HOTAIR: variants seen among roughly 807,000 people sequenced by gnomAD.
HOTAIR encodes HOX transcript antisense RNA (non-protein coding).
chr12:53,973,507 ACTC>A lies in HOTAIR; in HGVS notation n.59+1388_59+1390del, dbSNP rs2136375564. The A allele has an allele frequency of 6.2e-7, 1 of 1,612,302 alleles. No individual in the cohort carries two copies. Among genetic ancestry groups the A allele is most frequent in the Non-Finnish European group, 8.5e-7 (1 of 1,179,518 alleles). ...GGCAAGTGGCACCATCGGAACAGCT[ACTC>A]CTCCTGCTATGCGGCGGCCGACGAG... On this transcript the variant is annotated intron_variant and non_coding_transcript_variant, in intron 1 of 6. Coordinates refer to ENST00000424518, the Ensembl canonical transcript of HOTAIR. The surrounding 1 kb of genome is among the most constrained non-coding windows in gnomAD (Gnocchi z 4.3).
chr12:53,965,046 G>A (rs1424958217), intron 5 of HOTAIR, among the ~76,000 whole-genome samples: 1 of 152,166 alleles, frequency 6.6e-6, no homozygotes, highest in Non-Finnish European at 1.5e-5. Context: ...TCAGAGGCTC[G>A]GCTGGAGCCT....
intron 1 of HOTAIR, among the ~76,000 whole-genome samples, chr12:53,972,866 C>A (rs1346291483): frequency 2.0e-5 from 3 of 152,142 alleles, no homozygotes; most frequent in Non-Finnish European, 2.9e-5. Flanking sequence ...TACAATTACC[C>A]CTTCCCAGCC....
At position 53,973,186 on chromosome 12, in the gene HOTAIR, C is replaced by A; in HGVS notation, n.59+1712G>T. 7.0e-7 allele frequency: 1 copy of A among 1,424,840 alleles called. No individual in the cohort carries two copies. The highest frequency in any genetic ancestry group is 1.4e-5 in the South Asian group (1 of 73,104). 88.3% of individuals were successfully genotyped at this position (1,424,840 alleles called of 1,614,324 possible). On this transcript the variant is annotated intron_variant and non_coding_transcript_variant, in intron 1 of 6. Coordinates refer to ENST00000424518, the Ensembl canonical transcript of HOTAIR. This position sits in a 1 kb window ranked among gnomAD's most constrained non-coding sequence, Gnocchi z 4.3. The stretch of plus-strand genomic sequence containing the variant: ...GTCATCTCGCCTTCCCAAATTTTCC[C>A]CCCTCGCTAGACCGGGTCCAAAACC...
At chr12:53,972,639 T>C (rs1939166431) in intron 1 of HOTAIR, among the ~76,000 whole-genome samples, 1 of 152,182 alleles carries the variant, frequency 6.6e-6, no homozygotes, top group Non-Finnish European at 1.5e-5. Context: ...CTTCAAACTC[T>C]TGTGAACAGG....
chr12:53,964,237 T>G (rs1382256955), exon 6 of HOTAIR: 1 of 148,000 alleles, frequency 6.8e-6, no homozygotes, highest in Admixed American at 6.8e-5. Context: ...AAACCTTGGG[T>G]GTAATTGCTG....
intron 2 of HOTAIR, among the ~76,000 whole-genome samples, chr12:53,967,842 T>C (rs915655757): frequency 6.6e-6 from 1 of 152,024 alleles, no homozygotes; most frequent in Non-Finnish European, 1.5e-5. Flanking sequence ...ACTTTGGAGA[T>C]TTAGGGACTT....
chr12:53,974,917 TC>T, exon 1 of HOTAIR: 1 of 475,784 alleles, frequency 2.1e-6, no homozygotes, highest in Non-Finnish European at 3.7e-6. Context: ...TTTCCTTCTG[TC>T]CCAGACCCTG....
At chr12:53,963,039 G>C (rs1401614939) in exon 7 of HOTAIR, 1 of 152,288 alleles carries the variant, frequency 6.6e-6, no homozygotes, top group Non-Finnish European at 1.5e-5. Flanking sequence ...TAACAGGCAG[G>C]TGGATTCCTG....
chr12:53,969,778 A>G (rs2136373254), intron 1 of HOTAIR, among the ~76,000 whole-genome samples: 1 of 152,226 alleles, frequency 6.6e-6, no homozygotes, highest in Non-Finnish European at 1.5e-5. Flanking sequence ...TGAATTTACA[A>G]TCCAAGCCCA....
At chr12:53,974,666 G>T (rs1032697991) in intron 1 of HOTAIR, among the ~76,000 whole-genome samples, 3 of 151,460 alleles carry the variant, frequency 2.0e-5, no homozygotes, top group African/African-American at 7.3e-5. Flanking sequence ...CGGGCTTCCC[G>T]GGGCGCCAGG....
At chr12:53,972,518 A>C (rs182766305) in intron 1 of HOTAIR, among the ~76,000 whole-genome samples, 1 of 152,352 alleles carries the variant, frequency 6.6e-6, no homozygotes, top group East Asian at 1.9e-4. Context: ...ACTGGCTTGC[A>C]GCTGGGCTGC....
chr12:53,963,207 A>C (rs1020006991), exon 7 of HOTAIR: 1 of 152,260 alleles, frequency 6.6e-6, no homozygotes, highest in Non-Finnish European at 1.5e-5. Context: ...AGTCCCCTGC[A>C]TCCAGCCGGG....
intron 1 of HOTAIR, among the ~76,000 whole-genome samples, chr12:53,972,349 C>T (rs1427350712): frequency 6.6e-6 from 1 of 152,232 alleles, no homozygotes; most frequent in Non-Finnish European, 1.5e-5. Context: ...TCACCCAGGG[C>T]CACTCTCTCA....
Position 53,973,264 on chromosome 12 carries a change from G to C in HOTAIR, n.59+1634C>G. ...ACGATGTTTAACTCGGTCAACCTGG[G>C]CAACTTCTGCTCTCCGTCGCGCAAG... On this transcript the variant is annotated intron_variant and non_coding_transcript_variant, in intron 1 of 6. Transcript: ENST00000424518. The surrounding 1 kb of genome is among the most constrained non-coding windows in gnomAD (Gnocchi z 4.3). 6.2e-7 allele frequency: 1 copy of C among 1,609,978 alleles called. No individual in the cohort carries two copies. The highest frequency in any genetic ancestry group is 8.5e-7 in the Non-Finnish European group (1 of 1,178,734).
intron 2 of HOTAIR, among the ~76,000 whole-genome samples, chr12:53,967,585 C>T (rs904437694): frequency 6.6e-6 from 1 of 152,258 alleles, no homozygotes; most frequent in South Asian, 2.1e-4. Context: ...GAGGGGTAGC[C>T]GGGAAGCCCC....
Position 53,973,859 on chromosome 12 carries a change from A to G in HOTAIR, n.59+1039T>C. 1.4e-6 allele frequency: 2 copies of G among 1,477,952 alleles called. No individual in the cohort carries two copies. The highest frequency in any genetic ancestry group is 1.8e-6 in the Non-Finnish European group (2 of 1,118,030). The allele number at this position is 1,477,952 out of a possible 1,614,324, so 91.6% of individuals were successfully genotyped here. A position where few individuals can be genotyped will look rare whatever the true frequency, so the allele number is the denominator to read the frequency against. On this transcript the variant is annotated intron_variant and non_coding_transcript_variant, in intron 1 of 6. Transcript: ENST00000424518. This position sits in a 1 kb window ranked among gnomAD's most constrained non-coding sequence, Gnocchi z 4.3. The stretch of plus-strand genomic sequence containing the variant: ...AGGCGGAGGCTGAGGAGGAGAACAC[A>G]AATCCCAGCTCGTCCGGTTCAGCCC...
intron 1 of HOTAIR, among the ~76,000 whole-genome samples, chr12:53,969,993 C>A (rs1461536928): frequency 1.3e-5 from 2 of 152,172 alleles, no homozygotes; most frequent in Non-Finnish European, 2.9e-5. Flanking sequence ...AGACACTGTC[C>A]CCTTCTTAAG....
chr12:53,972,164 C>T (rs1220009568), intron 1 of HOTAIR, among the ~76,000 whole-genome samples: 1 of 152,250 alleles, frequency 6.6e-6, no homozygotes, highest in East Asian at 1.9e-4. Flanking sequence ...TGGACCCCTA[C>T]ACTAGGCTTC....
chr12:53,962,958 A>G (rs911761187), exon 7 of HOTAIR: 2 of 152,266 alleles, frequency 1.3e-5, no homozygotes, highest in African/African-American at 4.8e-5. Flanking sequence ...TAGACCTAAT[A>G]TAAGCATATT....
Sources: gnomAD v4.1 joint callset for allele counts (sites outside exome capture counted in the v4.1 genomes callset) on GRCh38, gnomAD v4.1.1 for gene constraint, Gnocchi (gnomAD v3.1) non-coding constraint, MANE v1.5 for transcripts, NCBI Gene and HGNC (gene_info 2026-07-23, HGNC 2026-07-21) for gene names.